The following KCNMA1 variants were observed in gnomAD, a reference collection of about 807,000 sequenced individuals.
KCNMA1 encodes the protein potassium calcium-activated channel subfamily M alpha 1.
A neutral mutation model predicts 140.0 loss-of-function variants in KCNMA1; 29 were observed. The observed-to-expected ratio is 0.21, with a 90% CI of 0.15 to 0.28. The LOEUF (loss-of-function observed/expected upper bound fraction) is 0.28. Among genes scored for constraint, KCNMA1 ranks in the 10% least tolerant of loss-of-function variants. The probability of loss-of-function intolerance (pLI) is 1.00; values close to 1 mark genes in which losing one functional copy is unlikely to be tolerated. For synonymous variants in KCNMA1, 612 were observed against 611.9 expected, an observed-to-expected ratio of 1.00 and a Z score of 0.00; for missense variants, 880 against 1,602.2, an observed-to-expected ratio of 0.55 and a Z score of 7.70.
chr10:77,151,177 CCTTT>C (rs200114211), intron 5 of KCNMA1, among the ~76,000 whole-genome samples: 2,200 of 139,686 alleles, frequency 0.016, 22 homozygotes, highest in African/African-American at 0.026. Flanking sequence ...TTCTTTCTTT[CCTTT>C]CTTTCTTTCC....
intron 1 of KCNMA1, among the ~76,000 whole-genome samples, chr10:77,512,401 T>TATTGTTATA (rs2048725482): frequency 6.6e-6 from 1 of 152,200 alleles, no homozygotes; most frequent in African/African-American, 2.4e-5. Flanking sequence ...TATTACAGTA[T>TATTGTTATA]ATTGTTATAA....
intron 10 of KCNMA1, among the ~76,000 whole-genome samples, chr10:77,086,859 G>A (rs972929999): frequency 3.9e-5 from 6 of 152,180 alleles, no homozygotes; most frequent in African/African-American, 7.2e-5. Context: ...TCTTCTCTTC[G>A]GTATGAATGG....
intron 2 of KCNMA1, among the ~76,000 whole-genome samples, chr10:77,327,801 A>G (rs1602667111): frequency 6.6e-6 from 1 of 152,230 alleles, no homozygotes; most frequent in South Asian, 2.1e-4. Flanking sequence ...AAAAGTTTCA[A>G]GACAGACAAA....
chr10:76,884,966 T>C lies in KCNMA1; in HGVS notation c.*2300A>G. 6.5e-7 allele frequency: 1 copy of C among 1,547,082 alleles called. No individual in the cohort carries two copies. Among genetic ancestry groups the C allele is most frequent in the Non-Finnish European group, 8.7e-7 (1 of 1,145,314 alleles). ...AAAACCCCCAGCAGTGGCTAGGTCATGCAGAACCATTAATTGTCATACCTT... is the reference window on the plus strand; with the variant it reads ...AAAACCCCCAGCAGTGGCTAGGTCACGCAGAACCATTAATTGTCATACCTT... On this transcript the variant is annotated 3_prime_UTR_variant, in exon 28 of 28. Coordinates refer to ENST00000286628, the MANE Select transcript of KCNMA1 (RefSeq NM_001161352.2).
chr10:77,397,589 G>A (rs188078443), intron 2 of KCNMA1, among the ~76,000 whole-genome samples: 54 of 152,234 alleles, frequency 3.5e-4, no homozygotes, highest in African/African-American at 1.3e-3. Flanking sequence ...CCAGTCAACT[G>A]TTTTCTCTAC....
At chr10:76,939,948 C>T (rs905513314) in intron 23 of KCNMA1, among the ~76,000 whole-genome samples, 8 of 152,176 alleles carry the variant, frequency 5.3e-5, no homozygotes, top group Admixed American at 2.6e-4. Context: ...CAGATAAATG[C>T]GTGCTAAATA....
chr10:77,322,115 A>G (rs1464924563), intron 2 of KCNMA1, among the ~76,000 whole-genome samples: 1 of 152,128 alleles, frequency 6.6e-6, no homozygotes, highest in East Asian at 1.9e-4. Flanking sequence ...CTACAATCTC[A>G]ATGCATGGCC....
chr10:77,024,898 G>A (rs2093253322), intron 16 of KCNMA1, among the ~76,000 whole-genome samples: 1 of 152,014 alleles, frequency 6.6e-6, no homozygotes, highest in African/African-American at 2.4e-5. Context: ...TAAAAGGACA[G>A]GAATTCTGCT....
chr10:77,169,254 A>G (rs1238486110), intron 5 of KCNMA1, among the ~76,000 whole-genome samples: 1 of 152,206 alleles, frequency 6.6e-6, no homozygotes, highest in Non-Finnish European at 1.5e-5. Flanking sequence ...AGTGGTTGGT[A>G]AGTAGGCTGG....
intron 7 of KCNMA1, 127 bp downstream of exon 7, chr10:77,112,240 T>C: frequency 1.4e-6 from 1 of 729,810 alleles, no homozygotes; most frequent in Non-Finnish European, 2.5e-6. Context: ...TGTGGTTGCT[T>C]CCCATCTTCC....
intron 2 of KCNMA1, among the ~76,000 whole-genome samples, chr10:77,279,140 C>A (rs982920577): frequency 2.6e-5 from 4 of 152,096 alleles, no homozygotes; most frequent in African/African-American, 7.2e-5. Flanking sequence ...TTCGACAAGA[C>A]CAATTTTTTA....
intron 2 of KCNMA1, among the ~76,000 whole-genome samples, chr10:77,326,817 C>T (rs2084388259): frequency 6.6e-6 from 1 of 152,174 alleles, no homozygotes; most frequent in African/African-American, 2.4e-5. Context: ...CCTCAGCTTC[C>T]TTAGCTATAA....
At chr10:76,963,217 A>C (rs951727147) in intron 20 of KCNMA1, among the ~76,000 whole-genome samples, 3 of 152,180 alleles carry the variant, frequency 2.0e-5, no homozygotes, top group African/African-American at 7.2e-5. Flanking sequence ...AGCTCCTCTC[A>C]CTGTTCTGAT....
At chr10:77,187,991 T>C (rs1198925874) in intron 3 of KCNMA1, among the ~76,000 whole-genome samples, 1 of 152,136 alleles carries the variant, frequency 6.6e-6, no homozygotes, top group African/African-American at 2.4e-5. Flanking sequence ...ACAAAAGAGT[T>C]GGCCATATCA....
intron 22 of KCNMA1, among the ~76,000 whole-genome samples, chr10:76,947,965 AAC>A (rs933828872): frequency 3.4e-4 from 51 of 150,978 alleles, no homozygotes; most frequent in African/African-American, 1.2e-3. Flanking sequence ...CAGACTTCTT[AAC>A]ATGTAGAGAA....
chr10:76,929,194 G>A (rs927617764), intron 23 of KCNMA1, among the ~76,000 whole-genome samples: 4 of 152,232 alleles, frequency 2.6e-5, no homozygotes, highest in Admixed American at 2.0e-4. Context: ...AAGCCACCAC[G>A]AATTTATAAT....
chr10:77,571,751 C>T (rs536314784), intron 1 of KCNMA1, among the ~76,000 whole-genome samples: 2 of 152,292 alleles, frequency 1.3e-5, no homozygotes, highest in Admixed American at 6.5e-5. Flanking sequence ...AAGCCTGACA[C>T]GCCCTCAATC....
intron 27 of KCNMA1, 78 bp downstream of exon 27, chr10:76,889,373 C>A: frequency 1.0e-6 from 1 of 975,138 alleles, no homozygotes; most frequent in South Asian, 1.3e-5. Flanking sequence ...CAGACCTTTG[C>A]CTTTACAGTA....
At chr10:77,473,969 C>T (rs2098223264) in intron 1 of KCNMA1, among the ~76,000 whole-genome samples, 1 of 152,174 alleles carries the variant, frequency 6.6e-6, no homozygotes, top group African/African-American at 2.4e-5. Flanking sequence ...CAGGTGCGCT[C>T]CTCCTCCGCC....
Sources: gnomAD v4.1 joint callset for allele counts (sites outside exome capture counted in the v4.1 genomes callset) on GRCh38, gnomAD v4.1.1 for gene constraint, MANE v1.5 for transcripts, NCBI Gene and HGNC (gene_info 2026-07-23, HGNC 2026-07-21) for gene names.